SORCS2: variants seen among roughly 807,000 people sequenced by gnomAD.
The protein encoded by SORCS2 is VPS10 domain-containing receptor SorCS2.
Under a neutral mutation model 141.6 loss-of-function variants are expected in SORCS2, and 100 were observed. The ratio of observed to expected loss-of-function variants is 0.71; its 90% CI spans 0.60 to 0.83. The LOEUF (loss-of-function observed/expected upper bound fraction) is 0.83, where lower values mean the gene tolerates loss of function less well. SORCS2 is among the 40% of genes least tolerant of loss of function. The probability of loss-of-function intolerance (pLI) is 0.00; values close to 1 mark genes in which losing one functional copy is unlikely to be tolerated. For missense variants in SORCS2, 1,646 were observed against 1,560.2 expected (o/e 1.05, Z -0.93); for synonymous variants, 789 against 676.9 (o/e 1.17, Z -2.57).
chr4:7,505,556 T>G (rs1355295514), intron 2 of SORCS2, among the ~76,000 whole-genome samples: 1 of 152,126 alleles, frequency 6.6e-6, no homozygotes. Context: ...GTCTCTCCTT[T>G]CTGCATAATA....
intron 2 of SORCS2, among the ~76,000 whole-genome samples, chr4:7,526,527 A>G (rs974172239): frequency 2.0e-5 from 3 of 150,960 alleles, no homozygotes; most frequent in Admixed American, 1.3e-4. Flanking sequence ...AGGGGGATGA[A>G]TCGGCGGAGA....
At chr4:7,710,822 G>A (rs1020346420) in intron 14 of SORCS2, among the ~76,000 whole-genome samples, 4 of 152,258 alleles carry the variant, frequency 2.6e-5, no homozygotes, top group Admixed American at 6.5e-5. Context: ...CCCTGTCCTT[G>A]GTGGGTGTTG....
At chr4:7,411,255 CTT>C (rs1342668549) in intron 2 of SORCS2, among the ~76,000 whole-genome samples, 1 of 152,094 alleles carries the variant, frequency 6.6e-6, no homozygotes, top group East Asian at 1.9e-4. Context: ...CGCCTGGCCT[CTT>C]CTCTCCATCT....
At chr4:7,306,290 G>A (rs1223437970) in intron 1 of SORCS2, among the ~76,000 whole-genome samples, 1 of 152,158 alleles carries the variant, frequency 6.6e-6, no homozygotes, top group Admixed American at 6.5e-5. Context: ...CTCCGGGGTA[G>A]GCTTGTTGAT....
chr4:7,719,636 T>C (rs1433092591), intron 18 of SORCS2, among the ~76,000 whole-genome samples: 3 of 152,138 alleles, frequency 2.0e-5, no homozygotes, highest in Non-Finnish European at 4.4e-5. Context: ...AGCAGCATCT[T>C]GGGGCGGCAG....
At chr4:7,612,278 G>A (rs1031709962) in intron 3 of SORCS2, among the ~76,000 whole-genome samples, 4 of 152,192 alleles carry the variant, frequency 2.6e-5, no homozygotes, top group Non-Finnish European at 5.9e-5. Flanking sequence ...GTGAAAGGAC[G>A]GTGGCTTGGG....
chr4:7,586,610 T>C (rs565396707), intron 3 of SORCS2, among the ~76,000 whole-genome samples: 78 of 152,324 alleles, frequency 5.1e-4, no homozygotes, highest in Admixed American at 1.7e-3. Flanking sequence ...GTTAGTTTGC[T>C]GAGGATAATG....
chr4:7,702,804 G>A (rs1323461990), intron 12 of SORCS2, among the ~76,000 whole-genome samples: 26 of 152,232 alleles, frequency 1.7e-4, no homozygotes, highest in Admixed American at 1.7e-3. Context: ...TAAGTGTTGG[G>A]CCAGGGGCTT....
intron 2 of SORCS2, among the ~76,000 whole-genome samples, chr4:7,453,562 G>T (rs1287464418): frequency 2.1e-5 from 3 of 141,328 alleles, no homozygotes; most frequent in Admixed American, 1.4e-4. Flanking sequence ...GTGTGTTGGG[G>T]TCAGCTGCTG....
At position 7,608,659 on chromosome 4, in the gene SORCS2, C is replaced by T. The variant is rs185972873; in HGVS notation, c.649-29669C>T. Among the ~76,000 whole-genome samples, 462 of 152,320 alleles carry T rather than the reference C, an allele frequency of 3.0e-3. 3 individuals carry two copies. Among genetic ancestry groups the T allele is most frequent in the African/African-American group, 0.01 (420 of 41,566 alleles). ...AGAGGCAGCCAGCACCTGGAGGTGC[C>T]CACTGGCAGCCCCAGTCCCCAGGAC... is the stretch of plus-strand genomic sequence containing the variant. On this transcript the variant is annotated intron_variant, in intron 3 of 26. Coordinates refer to ENST00000507866, the MANE Select transcript of SORCS2 (RefSeq NM_020777.3).
intron 1 of SORCS2, among the ~76,000 whole-genome samples, chr4:7,218,923 G>T (rs555672772): frequency 2.0e-5 from 3 of 152,146 alleles, no homozygotes; most frequent in Non-Finnish European, 4.4e-5. Flanking sequence ...CTGCCCGCAG[G>T]CACTCTGCCC....
At chr4:7,441,773 C>G (rs1399098061) in intron 2 of SORCS2, among the ~76,000 whole-genome samples, 2 of 20,760 alleles carry the variant, frequency 9.6e-5, no homozygotes, top group Admixed American at 8.9e-4. Flanking sequence ...CCCCCTCCCC[C>G]AGCCCAGATC....
chr4:7,300,352 C>G (rs1056758430), intron 1 of SORCS2, among the ~76,000 whole-genome samples: 10 of 152,068 alleles, frequency 6.6e-5, no homozygotes, highest in Non-Finnish European at 1.5e-4. Context: ...CCAGCAGAGT[C>G]CAGGGCAGAG....
intron 3 of SORCS2, among the ~76,000 whole-genome samples, chr4:7,589,403 G>GT (rs1196209061): frequency 6.7e-5 from 1 of 14,844 alleles, no homozygotes; most frequent in East Asian, 2.5e-3. Flanking sequence ...TTTTTTGTTT[G>GT]TTTGTTTGTT....
chr4:7,726,600 C>T (rs528483210), intron 20 of SORCS2, among the ~76,000 whole-genome samples, 180 bp from the exon 21 acceptor site: 2 of 152,212 alleles, frequency 1.3e-5, no homozygotes, highest in Non-Finnish European at 2.9e-5. Flanking sequence ...AAATAAAGAA[C>T]CGGCTGCCCG....
chr4:7,561,334 A>T (rs1157435397), intron 3 of SORCS2, among the ~76,000 whole-genome samples: 1 of 150,450 alleles, frequency 6.6e-6, no homozygotes, highest in East Asian at 1.9e-4. Context: ...CATGGAGGGG[A>T]GCGGCTGGAA....
chr4:7,392,446 C>T (rs756285620), intron 1 of SORCS2, among the ~76,000 whole-genome samples: 2 of 152,182 alleles, frequency 1.3e-5, no homozygotes, highest in East Asian at 1.9e-4. Flanking sequence ...CATTCATGTC[C>T]TCATGGACTC....
Position 7,689,527 on chromosome 4 carries a change from C to A in SORCS2, c.1530C>A (p.Asn510Lys), listed in dbSNP as rs369017465. Residue 510 changes from asparagine (N) to lysine (K), a missense_variant, in exon 11 of 27, where the codon AAC (asparagine) becomes AAA (lysine). Asn to Lys is a moderately conservative substitution (Grantham distance 94, BLOSUM62 0). Transcript: ENST00000507866. ...HLHLHLRWAD[N>K]PYVSGTVHTK... ...ACCTGCACCTGCGCTGGGCAGACAACCCCTACGTATCAGGCACCGTGCACA... is the reference window on the plus strand; with the variant it reads ...ACCTGCACCTGCGCTGGGCAGACAAACCCTACGTATCAGGCACCGTGCACA... 2 of 1,606,948 alleles carry A rather than the reference C, an allele frequency of 1.2e-6. No individual in the cohort carries two copies. Among genetic ancestry groups the A allele is most frequent in the African/African-American group, 1.3e-5 (1 of 74,814 alleles).
intron 1 of SORCS2, among the ~76,000 whole-genome samples, chr4:7,244,072 C>T (rs1477673901): frequency 1.3e-5 from 2 of 152,228 alleles, no homozygotes; most frequent in African/African-American, 4.8e-5. Context: ...CGTTGACTCA[C>T]TGCAGCCTTT....
Sources: allele counts gnomAD v4.1 joint callset (sites outside exome capture counted in the v4.1 genomes callset), GRCh38; gene constraint gnomAD v4.1.1; transcripts MANE v1.5; gene names NCBI Gene and HGNC (gene_info 2026-07-23, HGNC 2026-07-21).